DENND2B: variants seen among roughly 807,000 people sequenced by gnomAD.
DENND2B encodes DENN domain containing 2B.
DENND2B carries 32 observed loss-of-function variants against 116.0 expected under a neutral mutation model. The observed-to-expected ratio is 0.28, with a 90% CI of 0.21 to 0.37. The LOEUF is 0.37. Ranked by LOEUF, DENND2B falls within the 10% of genes least tolerant of loss-of-function variation. DENND2B has a pLI of 1.00. For synonymous variants in DENND2B, 588 were observed against 583.9 expected, an observed-to-expected ratio of 1.01 and a Z score of -0.10; for missense variants, 1,276 against 1,477.7, an observed-to-expected ratio of 0.86 and a Z score of 2.24.
intron 1 of DENND2B, among the ~76,000 whole-genome samples, chr11:8,804,196 C>T (rs1257257262): frequency 1.3e-5 from 2 of 152,228 alleles, no homozygotes; most frequent in Non-Finnish European, 2.9e-5. Context: ...CCTACTCCTT[C>T]CTCTTAAAGG....
chr11:8,822,856 G>A (rs1382454278), intron 4 of DENND2B, among the ~76,000 whole-genome samples: 1 of 152,116 alleles, frequency 6.6e-6, no homozygotes, highest in South Asian at 2.1e-4. Flanking sequence ...TTTGTACATA[G>A]CAAGTGCTCA....
At chr11:8,845,542 A>C (rs2062781686) in intron 3 of DENND2B, among the ~76,000 whole-genome samples, 1 of 152,248 alleles carries the variant, frequency 6.6e-6, no homozygotes, top group Non-Finnish European at 1.5e-5. Context: ...CACTTTCCTA[A>C]TAATAGTCCT....
At chr11:8,762,996 C>A (rs1264963444) in intron 1 of DENND2B, among the ~76,000 whole-genome samples, 2 of 152,054 alleles carry the variant, frequency 1.3e-5, no homozygotes, top group Non-Finnish European at 2.9e-5. Flanking sequence ...ACTCAGTAGA[C>A]CATCCAACCA....
chr11:8,872,502 A>AC (rs71059190), upstream of DENND2B, among the ~76,000 whole-genome samples: 1 of 151,344 alleles, frequency 6.6e-6, no homozygotes, highest in Non-Finnish European at 1.5e-5. Flanking sequence ...AAAAAAAAAA[A>AC]GAAAAAAAAA....
At chr11:8,703,685 C>T (rs2042103962) in intron 13 of DENND2B, 3 of 152,212 alleles carry the variant, frequency 2.0e-5, no homozygotes, top group Admixed American at 2.0e-4. Flanking sequence ...GTTTTTATAC[C>T]CACGTCATCT....
chr11:8,821,430 T>TA (rs5789586), intron 4 of DENND2B, among the ~76,000 whole-genome samples: 98,012 of 147,032 alleles, frequency 0.67, 33,983 homozygotes, highest in Admixed American at 0.79. Context: ...CTACCAAAAA[T>TA]AAAAAAAAAA....
intron 3 of DENND2B, among the ~76,000 whole-genome samples, chr11:8,850,006 A>G (rs1352023464): frequency 7.0e-6 from 1 of 142,186 alleles, no homozygotes; most frequent in Non-Finnish European, 1.6e-5. Flanking sequence ...GTGGTGGTAC[A>G]TGCCCATAAT....
intron 14 of DENND2B, chr11:8,700,049 C>A: frequency 2.3e-6 from 1 of 442,628 alleles, no homozygotes; most frequent in Non-Finnish European, 4.5e-6. Flanking sequence ...ATTCACAGCC[C>A]CACGGGAGCT....
Position 8,730,060 on chromosome 11 carries a change from T to C in DENND2B, c.1230A>G (p.Leu410=), listed in dbSNP as rs1420551027. ...KNPKSKPSNG[L]PPSPTPAAPP... is the part of the protein sequence containing the mutation. ...GAGCAGCAGGTGTGGGTGAAGGAGG[T>C]AGACCATTACTGGGCTTACTCTTGG... Residue 410 remains leucine (L), a synonymous_variant, in exon 3 of 20, where the codon CTA becomes CTG. Coordinates refer to ENST00000313726, the MANE Select transcript of DENND2B (RefSeq NM_213618.2). The surrounding 1 kb of genome is among the most constrained non-coding windows in gnomAD (Gnocchi z 4.1). The C allele has an allele frequency of 1.9e-6, 3 of 1,613,990 alleles. No individual in the cohort carries two copies. Among genetic ancestry groups the C allele is most frequent in the African/African-American group, 1.3e-5 (1 of 74,950 alleles).
chr11:8,728,019 T>C (rs2047420621), intron 3 of DENND2B, among the ~76,000 whole-genome samples: 1 of 147,148 alleles, frequency 6.8e-6, no homozygotes, highest in African/African-American at 2.5e-5. Context: ...GCAAATTTTT[T>C]TGAGAGACAA....
intron 4 of DENND2B, among the ~76,000 whole-genome samples, chr11:8,818,262 C>CTAA (rs58590869): frequency 0.18 from 25,977 of 145,896 alleles, 2,570 homozygotes; most frequent in East Asian, 0.35. Flanking sequence ...GACTCTGTCT[C>CTAA]TAATAATAAT....
chr11:8,754,029 G>GCGCGCGCGCA (rs146486674), intron 1 of DENND2B, among the ~76,000 whole-genome samples: 20 of 138,830 alleles, frequency 1.4e-4, no homozygotes, highest in South Asian at 4.9e-4. Flanking sequence ...CCAAAAGCGC[G>GCGCGCGCGCA]CACACACACA....
upstream of DENND2B, among the ~76,000 whole-genome samples, chr11:8,874,162 G>A (rs770690842): frequency 6.6e-6 from 1 of 152,052 alleles, no homozygotes; most frequent in African/African-American, 2.4e-5. Context: ...TCCTCCACCC[G>A]CAAGCCATTT....
chr11:8,765,578 C>A (rs980042932), intron 1 of DENND2B, among the ~76,000 whole-genome samples: 1 of 152,216 alleles, frequency 6.6e-6, no homozygotes, highest in Non-Finnish European at 1.5e-5. Context: ...ATAAGCATGG[C>A]ACTAATCAAT....
At chr11:8,789,626 T>C (rs991840662) in intron 1 of DENND2B, among the ~76,000 whole-genome samples, 4 of 152,042 alleles carry the variant, frequency 2.6e-5, no homozygotes, top group Non-Finnish European at 2.9e-5. Context: ...GTTTATAGAA[T>C]ACACAGGGCA....
chr11:8,730,668 T>A lies in DENND2B; in HGVS notation c.622A>T (p.Ser208Cys), dbSNP rs1268712961. Residue 208 changes from serine (S) to cysteine (C), a missense_variant, in exon 3 of 20, where the codon AGC (serine) becomes TGC (cysteine). By Grantham distance (112) the Ser-to-Cys change is moderately radical (BLOSUM62 -1). Around this residue, in one of 2 missense-constraint regions of DENND2B, gnomAD observed 856 missense variants for 846.6 expected, o/e 1.01. Coordinates refer to ENST00000313726, the MANE Select transcript of DENND2B (RefSeq NM_213618.2). The surrounding 1 kb of genome is among the most constrained non-coding windows in gnomAD (Gnocchi z 4.1). ...SEGCPSLGCP[S>C]VVPSPCSSEK... is the part of the protein sequence containing the mutation. ...GAGCTGCAGGGGGACGGCACCACGC[T>A]GGGACAGCCCAGGCTGGGGCAGCCC... The A allele has an allele frequency of 1.2e-6, 2 of 1,612,200 alleles. No homozygotes were observed. Among genetic ancestry groups the A allele is most frequent in the African/African-American group, 2.7e-5 (2 of 74,918 alleles).
intron 5 of DENND2B, among the ~76,000 whole-genome samples, chr11:8,717,428 C>T (rs543554737): frequency 1.5e-4 from 23 of 152,288 alleles, no homozygotes; most frequent in African/African-American, 5.3e-4. Flanking sequence ...TGCAAGGGCT[C>T]CTGGCTGAGT....
chr11:8,890,873 T>C (rs1243438704), intron 1 of DENND2B, among the ~76,000 whole-genome samples: 1 of 152,004 alleles, frequency 6.6e-6, no homozygotes, highest in Non-Finnish European at 1.5e-5. Context: ...AACATTCAAA[T>C]TCAGGAAATA....
chr11:8,889,870 T>C (rs2064006998), intron 1 of DENND2B, among the ~76,000 whole-genome samples: 1 of 152,206 alleles, frequency 6.6e-6, no homozygotes, highest in South Asian at 2.1e-4. Context: ...TAAATGTCCC[T>C]GTCTGGCAGC....
Sources: gnomAD v4.1 joint callset for allele counts (sites outside exome capture counted in the v4.1 genomes callset) on GRCh38, gnomAD v4.1.1 for gene constraint, gnomAD v4.1.1 regional missense constraint, Gnocchi (gnomAD v3.1) non-coding constraint, MANE v1.5 for transcripts, NCBI Gene and HGNC (gene_info 2026-07-23, HGNC 2026-07-21) for gene names.